The following PRKCE variants were observed in gnomAD, a reference collection of about 807,000 sequenced individuals.
The protein encoded by PRKCE is protein kinase C epsilon.
A neutral mutation model predicts 85.4 loss-of-function variants in PRKCE; 16 were observed. The observed-to-expected ratio is 0.19, with a 90% CI of 0.13 to 0.28. PRKCE has a LOEUF of 0.28. PRKCE is among the 10% of genes least tolerant of loss of function. The pLI, the probability that PRKCE is intolerant of heterozygous loss-of-function variation, is 1.00. For missense variants in PRKCE, 573 were observed against 975.2 expected, an observed-to-expected ratio of 0.59 and a Z score of 5.49; for synonymous variants, 388 against 371.5, an observed-to-expected ratio of 1.04 and a Z score of -0.51.
chr2:45,715,163 G>C (rs1051737093), intron 1 of PRKCE, among the ~76,000 whole-genome samples: 8 of 152,254 alleles, frequency 5.3e-5, no homozygotes, highest in African/African-American at 1.9e-4. Flanking sequence ...AGTGCCAACT[G>C]TGTGCAACCG....
intron 2 of PRKCE, among the ~76,000 whole-genome samples, chr2:45,862,347 A>G (rs1236153516): frequency 6.6e-6 from 1 of 152,002 alleles, no homozygotes; most frequent in Non-Finnish European, 1.5e-5. Flanking sequence ...CACCACCTCC[A>G]TGTCACCTCC....
At chr2:45,671,158 A>G (rs1676141057) in intron 1 of PRKCE, among the ~76,000 whole-genome samples, 1 of 152,200 alleles carries the variant, frequency 6.6e-6, no homozygotes, top group African/African-American at 2.4e-5. Context: ...AGACTGCACA[A>G]TGGGGATACA....
intron 2 of PRKCE, among the ~76,000 whole-genome samples, chr2:45,945,297 C>G (rs1264728013): frequency 6.6e-6 from 1 of 152,134 alleles, no homozygotes; most frequent in Non-Finnish European, 1.5e-5. Context: ...GTGAGGGCCT[C>G]AGGAAGCTTA....
intron 11 of PRKCE, among the ~76,000 whole-genome samples, chr2:46,089,879 A>G (rs903384481): frequency 6.6e-6 from 1 of 151,976 alleles, no homozygotes; most frequent in African/African-American, 2.4e-5. Flanking sequence ...CCCAAATACC[A>G]TTGCCTCTCA....
intron 11 of PRKCE, among the ~76,000 whole-genome samples, chr2:46,122,998 C>T (rs1673467976): frequency 6.7e-6 from 1 of 150,368 alleles, no homozygotes; most frequent in African/African-American, 2.4e-5. Flanking sequence ...TATTTCCTCC[C>T]TGGTAAAATC....
intron 2 of PRKCE, among the ~76,000 whole-genome samples, chr2:45,929,616 C>T (rs1227951128): frequency 6.6e-6 from 1 of 152,116 alleles, no homozygotes; most frequent in Non-Finnish European, 1.5e-5. Flanking sequence ...ACTTAGAGAA[C>T]TCATATTATC....
At chr2:45,910,830 T>A (rs1194492378) in intron 2 of PRKCE, among the ~76,000 whole-genome samples, 1 of 152,130 alleles carries the variant, frequency 6.6e-6, no homozygotes, top group Non-Finnish European at 1.5e-5. Context: ...CGGTGAGCAG[T>A]CCAGGATGTG....
intron 1 of PRKCE, among the ~76,000 whole-genome samples, chr2:45,712,887 G>A (rs1056083115): frequency 6.6e-6 from 1 of 152,068 alleles, no homozygotes; most frequent in South Asian, 2.1e-4. Flanking sequence ...CTTCGTATTC[G>A]CCCCATACTT....
chr2:46,015,712 AACG>A (rs1410263197), intron 10 of PRKCE, among the ~76,000 whole-genome samples: 7 of 151,226 alleles, frequency 4.6e-5, no homozygotes, highest in South Asian at 2.1e-4. Context: ...AAAAAAAAAA[AACG>A]AAGTAAAAAT....
intron 11 of PRKCE, among the ~76,000 whole-genome samples, chr2:46,116,152 C>G (rs1282960320): frequency 6.6e-6 from 1 of 152,184 alleles, no homozygotes; most frequent in African/African-American, 2.4e-5. Context: ...TGCTAGCTAG[C>G]CCTTGGAGAT....
intron 11 of PRKCE, among the ~76,000 whole-genome samples, chr2:46,100,784 A>T (rs1574472158): frequency 6.6e-6 from 1 of 152,354 alleles, no homozygotes; most frequent in East Asian, 1.9e-4. Context: ...GGACTCTAAG[A>T]TGCCATGACA....
intron 11 of PRKCE, among the ~76,000 whole-genome samples, chr2:46,111,862 A>C (rs766622392): frequency 6.6e-6 from 1 of 152,162 alleles, no homozygotes; most frequent in African/African-American, 2.4e-5. Flanking sequence ...TAGTGACTCC[A>C]TGTTTAACTG....
chr2:46,107,135 T>C (rs892222937), intron 11 of PRKCE, among the ~76,000 whole-genome samples: 1 of 152,218 alleles, frequency 6.6e-6, no homozygotes, highest in Non-Finnish European at 1.5e-5. Flanking sequence ...AAACCCCCTG[T>C]GCTTTACCTA....
Position 45,744,451 on chromosome 2 carries a change from TTC to T in PRKCE, c.348+92005_348+92006del, listed in dbSNP as rs1161305072. ...TTTCTTTCTTTCTTTCTTTCTTTCTTTCTTTCTTTCTTTCTTTCTTTCTTTCT... is the reference window on the plus strand; with the variant it reads ...TTTCTTTCTTTCTTTCTTTCTTTCTTTTTCTTTCTTTCTTTCTTTCTTTCT... On this transcript the variant is annotated intron_variant, in intron 1 of 14. Transcript: ENST00000306156. 2.6e-4 allele frequency among the ~76,000 whole-genome samples: 15 copies of T among 57,764 alleles called. No homozygotes were observed. In the South Asian group the frequency reaches 2.8e-3, roughly 11 times the overall value. 37.9% of individuals were successfully genotyped at this position (57,764 alleles called of 152,430 possible). A position where few individuals can be genotyped will look rare whatever the true frequency, so the allele number is the denominator to read the frequency against.
chr2:45,843,909 C>T (rs796387104), intron 2 of PRKCE, among the ~76,000 whole-genome samples: 1 of 152,222 alleles, frequency 6.6e-6, no homozygotes, highest in African/African-American at 2.4e-5. Context: ...TGTAGTTCCT[C>T]TTGGCAGTGA....
chr2:45,795,555 C>T lies in PRKCE; in HGVS notation c.349-47445C>T, dbSNP rs550683678. Among the ~76,000 whole-genome samples the T allele has an allele frequency of 1.6e-4, 24 of 152,254 alleles. No individual in the cohort carries two copies. The South Asian group carries it at 4.6e-3, about 29-fold the overall frequency. On this transcript the variant is annotated intron_variant, in intron 1 of 14. Coordinates refer to ENST00000306156, the MANE Select transcript of PRKCE (RefSeq NM_005400.3). ...GAACTCCTGACCTCAGGTGATCCAC[C>T]CTCCTCAGCCTTCCAAAATGCTGGG... is the stretch of plus-strand genomic sequence containing the variant.
chr2:45,923,122 G>A (rs766406251), intron 2 of PRKCE, among the ~76,000 whole-genome samples: 2 of 152,218 alleles, frequency 1.3e-5, no homozygotes, highest in Non-Finnish European at 2.9e-5. Context: ...TGGCGTGACT[G>A]TGTATCTGCA....
intron 2 of PRKCE, among the ~76,000 whole-genome samples, chr2:45,925,263 A>G (rs974689929): frequency 2.4e-4 from 36 of 151,312 alleles, no homozygotes; most frequent in African/African-American, 8.5e-4. Flanking sequence ...CTGATAACTC[A>G]TTTCCCCTTT....
intron 2 of PRKCE, among the ~76,000 whole-genome samples, chr2:45,929,943 G>A (rs971650871): frequency 6.6e-6 from 1 of 152,236 alleles, no homozygotes; most frequent in Non-Finnish European, 1.5e-5. Context: ...GCCCAGCATA[G>A]TGCCTGGGCC....
Sources: allele counts gnomAD v4.1 joint callset (sites outside exome capture counted in the v4.1 genomes callset), GRCh38; gene constraint gnomAD v4.1.1; transcripts MANE v1.5; gene names NCBI Gene and HGNC (gene_info 2026-07-23, HGNC 2026-07-21).